The following DMD variants were observed in gnomAD, a reference collection of about 807,000 sequenced individuals.
DMD encodes the protein mutant dystrophin.
Under a neutral mutation model 330.1 loss-of-function variants are expected in DMD, and 63 were observed. The observed-to-expected ratio is 0.19, with a 90% CI of 0.16 to 0.24. The LOEUF is 0.24. Among genes scored for constraint, DMD ranks in the 10% least tolerant of loss-of-function variants. The probability of loss-of-function intolerance (pLI) is 1.00; values close to 1 mark genes in which losing one functional copy is unlikely to be tolerated. For synonymous variants in DMD, 1,223 were observed against 959.8 expected, an observed-to-expected ratio of 1.27 and a Z score of -5.07; for missense variants, 3,344 against 2,684.1, an observed-to-expected ratio of 1.25 and a Z score of -5.43.
intron 60 of DMD, among the ~76,000 whole-genome samples, chrX:31,434,408 C>T (rs780510234): frequency 1.4e-5 from 1 of 73,280 alleles, no homozygotes; most frequent in South Asian, 8.5e-4. Flanking sequence ...ACCCTTACTG[C>T]AGCGCGCGCG....
intron 1 of DMD, chrX:33,128,917 C>A (rs1311118082): frequency 1.8e-5 from 2 of 111,428 alleles, no homozygotes; most frequent in African/African-American, 6.6e-5. Flanking sequence ...TCAATCTAAA[C>A]CACAATGCAG....
Position 31,138,664 on chromosome X carries a change from A to T in DMD, c.10922-4470T>A, listed in dbSNP as rs867528197. On this transcript the variant is annotated intron_variant, in intron 76 of 78. Coordinates refer to ENST00000357033, the MANE Select transcript of DMD (RefSeq NM_004006.3). ...GAGAGAGAGAGAGAGAGAGAGAGAG[A>T]GAGAGAGAGAGAGAGAGAGAGAGAA... is the stretch of plus-strand genomic sequence containing the variant. Among the ~76,000 whole-genome samples, 112 of 42,165 alleles carry T rather than the reference A, an allele frequency of 2.7e-3. 12 individuals carry two copies. The Middle Eastern group carries it at 0.035, about 13-fold the overall frequency. 36.6% of individuals were successfully genotyped at this position (42,165 alleles called of 115,157 possible).
chrX:31,495,970 G>A (rs2097173288), intron 57 of DMD, among the ~76,000 whole-genome samples: 1 of 112,187 alleles, frequency 8.9e-6, no homozygotes, highest in African/African-American at 3.2e-5. Flanking sequence ...TACTTGGAAT[G>A]TAATGAGCCT....
At chrX:32,211,921 T>C (rs1159912391) in intron 44 of DMD, among the ~76,000 whole-genome samples, 2 of 112,124 alleles carry the variant, frequency 1.8e-5, no homozygotes, top group African/African-American at 3.2e-5. Context: ...TCTCATTCTA[T>C]CATAGCCCAT....
Position 31,932,192 on chromosome X carries a change from T to C in DMD, c.6650A>G (p.Gln2217Arg). Residue 2217 changes from glutamine to arginine, a missense_variant, in exon 46 of 79, where the codon CAA becomes CGA. Gln to Arg is a conservative substitution (Grantham distance 43). Coordinates refer to ENST00000357033, the MANE Select transcript of DMD (RefSeq NM_004006.3). ...EEQKNILSEF[Q>R]RDLNEFVLWL... ...TAAAACAAATTCATTTAAATCTCTTTGAAATTCTGACAAGATATTCTTTTG... is the reference window on the plus strand; with the variant it reads ...TAAAACAAATTCATTTAAATCTCTTCGAAATTCTGACAAGATATTCTTTTG... The C allele has an allele frequency of 8.4e-7, 1 of 1,190,814 alleles. No homozygotes were observed. Among genetic ancestry groups the C allele is most frequent in the Non-Finnish European group, 1.1e-6 (1 of 876,733 alleles).
At chrX:32,711,172 C>T (rs928689080) in intron 7 of DMD, among the ~76,000 whole-genome samples, 2 of 111,286 alleles carry the variant, frequency 1.8e-5, no homozygotes, top group Non-Finnish European at 3.8e-5. Flanking sequence ...TTCTCAGTGG[C>T]TGGATGAGGG....
At chrX:31,353,208 G>A (rs2148526416) in intron 60 of DMD, among the ~76,000 whole-genome samples, 1 of 111,119 alleles carries the variant, frequency 9.0e-6, no homozygotes, top group African/African-American at 3.3e-5. Flanking sequence ...GAGGACGACA[G>A]TGAGATACAA....
At chrX:33,277,992 C>G (rs1017187510) in intron 1 of DMD, among the ~76,000 whole-genome samples, 5 of 110,309 alleles carry the variant, frequency 4.5e-5, no homozygotes, top group African/African-American at 1.7e-4. Context: ...GTAGTCCCAG[C>G]TATTCAGAAA....
chrX:32,735,089 A>C (rs371069044), intron 7 of DMD, among the ~76,000 whole-genome samples: 3 of 110,002 alleles, frequency 2.7e-5, no homozygotes, highest in African/African-American at 1.0e-4. Flanking sequence ...AAATCAATGT[A>C]CAAAAATCAC....
chrX:32,344,420 T>C (rs1204457680), intron 39 of DMD, among the ~76,000 whole-genome samples: 1 of 111,858 alleles, frequency 8.9e-6, no homozygotes, highest in Non-Finnish European at 1.9e-5. Flanking sequence ...TAATCACTTA[T>C]AGCCTGTATT....
chrX:31,998,444 A>T (rs2095604199), intron 44 of DMD, among the ~76,000 whole-genome samples: 3 of 112,219 alleles, frequency 2.7e-5, no homozygotes, highest in Admixed American at 1.9e-4. Flanking sequence ...GGCCTGACAG[A>T]TGAAGTTAAT....
chrX:31,682,431 C>A (rs887296360), intron 52 of DMD, among the ~76,000 whole-genome samples: 1 of 111,403 alleles, frequency 9.0e-6, no homozygotes. Flanking sequence ...GTAGTTGAGG[C>A]CTTGTAATTG....
At chrX:32,724,113 T>C (rs920531531) in intron 7 of DMD, among the ~76,000 whole-genome samples, 5 of 112,248 alleles carry the variant, frequency 4.5e-5, no homozygotes, top group Non-Finnish European at 9.4e-5. Flanking sequence ...ATATAATACA[T>C]TTAAATGGTG....
chrX:31,403,316 TA>T (rs1166780595), intron 60 of DMD, among the ~76,000 whole-genome samples: 1 of 112,009 alleles, frequency 8.9e-6, no homozygotes, highest in East Asian at 2.8e-4. Context: ...TGAGAGCATG[TA>T]GTATCTGGAT....
chrX:31,182,213 A>G (rs1602448110), intron 68 of DMD, among the ~76,000 whole-genome samples: 1 of 112,112 alleles, frequency 8.9e-6, no homozygotes, highest in Middle Eastern at 4.6e-3. Flanking sequence ...TCAGATTCAC[A>G]GATAAAGAAG....
intron 15 of DMD, 114 bp from the exon 16 acceptor site, chrX:32,565,995 A>T (rs184804803): frequency 1.5e-6 from 1 of 656,566 alleles, no homozygotes; most frequent in Non-Finnish European, 2.4e-6. Context: ...AAATATTTCA[A>T]TCGTGCCCGC....
intron 4 of DMD, among the ~76,000 whole-genome samples, chrX:32,825,425 A>G (rs1339800072): frequency 9.0e-6 from 1 of 111,694 alleles, no homozygotes; most frequent in Non-Finnish European, 1.9e-5. Context: ...CTGATAAAGG[A>G]AAGTAAGGTA....
intron 13 of DMD, among the ~76,000 whole-genome samples, chrX:32,585,349 T>C (rs2054116329): frequency 8.9e-6 from 1 of 112,232 alleles, no homozygotes; most frequent in Non-Finnish European, 1.9e-5. Flanking sequence ...AAATATTATG[T>C]ATCAATAAAC....
chrX:33,115,979 A>C (rs1448889621), intron 1 of DMD, among the ~76,000 whole-genome samples: 1 of 109,385 alleles, frequency 9.1e-6, no homozygotes, highest in East Asian at 2.9e-4. Flanking sequence ...GGATCACCTG[A>C]GGTCAGCAGT....
Sources: gnomAD v4.1 joint callset for allele counts (sites outside exome capture counted in the v4.1 genomes callset) on GRCh38, gnomAD v4.1.1 for gene constraint, MANE v1.5 for transcripts, NCBI Gene and HGNC (gene_info 2026-07-23, HGNC 2026-07-21) for gene names.